The following HTRA4 variants were observed in gnomAD, a reference collection of about 807,000 sequenced individuals.
HTRA4 encodes the protein HtrA serine peptidase 4, also known as serine protease HTRA4.
A neutral mutation model predicts 49.1 loss-of-function variants in HTRA4; 46 were observed. The observed-to-expected ratio is 0.94, with a 90% CI of 0.74 to 1.20. HTRA4 has a LOEUF of 1.20. HTRA4 is among the 50% of genes most tolerant of loss of function. HTRA4 has a pLI of 0.00. For missense variants in HTRA4, 602 were observed against 636.9 expected (o/e 0.95, Z 0.59); for synonymous variants, 261 against 264.0 (o/e 0.99, Z 0.11).
In HTRA4 at chr8:38,978,226, G is replaced by A. The variant is rs376152784; in HGVS notation, c.966+79G>A. The A allele has an allele frequency of 1.9e-4, 239 of 1,241,798 alleles. 1 individual carries two copies. The African/African-American group carries it at 2.1e-3, about 11-fold the overall frequency. The allele number at this position is 1,241,798 out of a possible 1,614,324, so 76.9% of individuals were successfully genotyped here. On this transcript the variant is annotated intron_variant, in intron 4 of 8. Transcript: ENST00000302495. Reference sequence around the variant, plus strand: ...TCCATGGCCTGTTAGGAACTGGGCCGCACAGCAGGCTGTGAGCCATGGGCG... The same window carrying A: ...TCCATGGCCTGTTAGGAACTGGGCCACACAGCAGGCTGTGAGCCATGGGCG...
intron 2 of HTRA4, 47 bp downstream of exon 2, chr8:38,975,177 T>G: frequency 6.3e-7 from 1 of 1,575,840 alleles, no homozygotes; most frequent in Non-Finnish European, 8.7e-7. Context: ...TAATGGTTTC[T>G]GCGTGCCTAC....
chr8:38,982,297 A>G (rs1003179643), intron 6 of HTRA4, among the ~76,000 whole-genome samples: 22 of 152,146 alleles, frequency 1.4e-4, no homozygotes, highest in African/African-American at 5.1e-4. Flanking sequence ...TAATGTGGAA[A>G]TGAAACCCAG....
At chr8:38,979,060 G>T (rs1216625468) in intron 4 of HTRA4, among the ~76,000 whole-genome samples, 155 bp from the exon 5 acceptor site, 1 of 151,920 alleles carries the variant, frequency 6.6e-6, no homozygotes, top group Non-Finnish European at 1.5e-5. Flanking sequence ...ACTGACTTTG[G>T]TATTGGTGAT....
At position 38,988,125 on chromosome 8, in the gene HTRA4, T is replaced by TAAAA. The variant is rs373559742; in HGVS notation, c.*37_*40dup. The TAAAA allele has an allele frequency of 3.9e-3, 5,215 of 1,332,532 alleles. 38 individuals are homozygous for TAAAA. The highest frequency in any genetic ancestry group is 0.012 in the South Asian group (799 of 65,904). The allele number at this position is 1,332,532 out of a possible 1,614,324, so 82.5% of individuals were successfully genotyped here. A position where few individuals can be genotyped will look rare whatever the true frequency, so the allele number is the denominator to read the frequency against. The stretch of plus-strand genomic sequence containing the variant: ...TATCTTGTTTTAAAGTGGGATTATC[T>TAAAA]AAAAAAAAAAAAACCAGTTATATCA... On this transcript the variant is annotated 3_prime_UTR_variant, in exon 9 of 9. Transcript: ENST00000302495.
In HTRA4 at chr8:38,988,660, A is replaced by T. The variant is rs1274751834; in HGVS notation, c.*562A>T. On this transcript the variant is annotated 3_prime_UTR_variant, in exon 9 of 9. Transcript: ENST00000302495. ...CTTAAAAATAAAAATAAAAAGAAAA[A>T]TGGTAATGTTGTGAGATTACAATTA... 2.0e-5 allele frequency: 3 copies of T among 152,228 alleles called. No homozygotes were observed. The highest frequency in any genetic ancestry group is 4.4e-5 in the Non-Finnish European group (3 of 68,066). The allele number at this position is 152,228 out of a possible 1,614,324, so 9.4% of individuals were successfully genotyped here. A position where few individuals can be genotyped will look rare whatever the true frequency, so the allele number is the denominator to read the frequency against.
In HTRA4 at chr8:38,980,328, GCCTTCT is replaced by G. The variant is rs1446455679; in HGVS notation, c.999+1084_999+1089del. Among the ~76,000 whole-genome samples, 13 of 150,804 alleles carry G rather than the reference GCCTTCT, an allele frequency of 8.6e-5. No homozygotes were observed. In the East Asian group the frequency reaches 2.5e-3, roughly 29 times the overall value. On this transcript the variant is annotated intron_variant, in intron 5 of 8. Transcript: ENST00000302495. Reference sequence around the variant, plus strand: ...TGTCATTTTTCTTTGTTTTGTTCCTGCCTTCTCCATTAGACAATGAGTTTACTAGAG... The same window carrying G: ...TGTCATTTTTCTTTGTTTTGTTCCTGCCATTAGACAATGAGTTTACTAGAG...
At position 38,975,087 on chromosome 8, in the gene HTRA4, G is replaced by T; in HGVS notation, c.523G>T (p.Glu175Ter). Residue 175 changes from glutamate to a stop codon, truncating the protein, a stop_gained, in exon 2 of 9, where the codon GAG becomes TAG. Transcript: ENST00000302495. LOFTEE classifies it high-confidence loss of function. Reference sequence around the variant, plus strand: ...TTACAACTTCATCGCCGCGGTGGTGGAGAAGGTGGCGCCATCGGTGGTTCA... The same window carrying T: ...TTACAACTTCATCGCCGCGGTGGTGTAGAAGGTGGCGCCATCGGTGGTTCA... ...RNYNFIAAVVEKVAPSVVHVQ... is the reference protein window; with the variant it reads ...RNYNFIAAVV 3.7e-6 allele frequency: 6 copies of T among 1,614,010 alleles called. No individual in the cohort carries two copies. Among genetic ancestry groups the T allele is most frequent in the Non-Finnish European group, 5.1e-6 (6 of 1,180,026 alleles).
In HTRA4 at chr8:38,983,043, T is replaced by C; in HGVS notation, c.1263T>C (p.Ala421=). 6.2e-7 allele frequency: 1 copy of C among 1,610,594 alleles called. No homozygotes were observed. ...GTAAAGTGGTTGAAGGAACAGCTGC[T>C]CAAAGGTAAGAGAAGTGAAGGCCTT... is the stretch of plus-strand genomic sequence containing the variant. ...YVCKVVEGTA[A]QSSGLRDHDV... Residue 421 remains alanine, a synonymous_variant, in exon 8 of 9, where the codon GCT becomes GCC. Coordinates refer to ENST00000302495, the MANE Select transcript of HTRA4 (RefSeq NM_153692.4).
intron 5 of HTRA4, among the ~76,000 whole-genome samples, chr8:38,979,641 G>A (rs1835395446): frequency 6.6e-6 from 1 of 151,908 alleles, no homozygotes; most frequent in Admixed American, 6.6e-5. Flanking sequence ...CGTGCTTTCT[G>A]TTTTCATTGG....
intron 6 of HTRA4, 117 bp from the exon 7 acceptor site, chr8:38,982,381 C>T (rs1395832127): frequency 7.3e-6 from 6 of 823,162 alleles, no homozygotes; most frequent in Admixed American, 2.2e-5. Flanking sequence ...TGTGTTTCAT[C>T]CAGGTAACCT....
rs112244732 is a variant in HTRA4 at position 38,977,995 on chromosome 8, C to T, written c.814C>T (p.Arg272Trp). The T allele has an allele frequency of 2.6e-4, 424 of 1,614,114 alleles. 5 individuals are homozygous for T. The South Asian group carries it at 3.8e-3, about 15-fold the overall frequency. ...VLMLGRSSDLRAGEFVVALGS... is the reference protein window; with the variant it reads ...VLMLGRSSDLWAGEFVVALGS... ...GATGCTGGGAAGATCATCTGACCTT[C>T]GGGCTGGAGAGTTTGTGGTGGCTTT... is the stretch of plus-strand genomic sequence containing the variant. Residue 272 changes from arginine (R) to tryptophan (W), a missense_variant, in exon 4 of 9, where the codon CGG becomes TGG. By Grantham distance (101) the Arg-to-Trp change is moderately radical. Coordinates refer to ENST00000302495, the MANE Select transcript of HTRA4 (RefSeq NM_153692.4).
chr8:38,977,665 A>G (rs1292537143), intron 3 of HTRA4, among the ~76,000 whole-genome samples: 1 of 152,230 alleles, frequency 6.6e-6, no homozygotes, highest in Admixed American at 6.5e-5. Context: ...TATGTTCATC[A>G]GTGACTTCAC....
At chr8:38,986,326 C>G (rs1835482239) in intron 8 of HTRA4, among the ~76,000 whole-genome samples, 2 of 152,078 alleles carry the variant, frequency 1.3e-5, no homozygotes, top group African/African-American at 4.8e-5. Context: ...CTTGTTGCCC[C>G]AGCTGGAATG....
chr8:38,986,435 A>G (rs1221505864), intron 8 of HTRA4, among the ~76,000 whole-genome samples: 2 of 152,028 alleles, frequency 1.3e-5, no homozygotes, highest in Admixed American at 6.6e-5. Context: ...CACCTAGCTA[A>G]TTATTGTACT....
chr8:38,986,945 G>A (rs1835488662), intron 8 of HTRA4, among the ~76,000 whole-genome samples: 1 of 152,138 alleles, frequency 6.6e-6, no homozygotes, highest in Non-Finnish European at 1.5e-5. Context: ...TCTCTTTTCT[G>A]ACTCACAGGA....
At chr8:38,986,280 TTTA>T (rs1213621190) in intron 8 of HTRA4, among the ~76,000 whole-genome samples, 4 of 152,138 alleles carry the variant, frequency 2.6e-5, no homozygotes, top group Non-Finnish European at 4.4e-5. Flanking sequence ...GTGTTTTATT[TTTA>T]TTATTATTAT....
At chr8:38,980,381 C>T (rs1385197181) in intron 5 of HTRA4, among the ~76,000 whole-genome samples, 3 of 151,716 alleles carry the variant, frequency 2.0e-5, no homozygotes, top group African/African-American at 7.3e-5. Context: ...TGCAGAATTT[C>T]AGGCCATACC....
chr8:38,982,836 A>C, intron 7 of HTRA4, 117 bp from the exon 8 acceptor site: 2 of 697,938 alleles, frequency 2.9e-6, no homozygotes, highest in East Asian at 5.4e-5. Flanking sequence ...AGCTTGATGG[A>C]ATCTTCCTCG....
Position 38,976,675 on chromosome 8 carries a change from A to ATGAAGCTGTTGTCAAGGATAT in HTRA4, c.711_731dup (p.Glu237_Ile243dup). On this transcript the variant is annotated inframe_insertion, in exon 3 of 9. Coordinates refer to ENST00000302495, the MANE Select transcript of HTRA4 (RefSeq NM_153692.4). ...GTGGTGCTCCAGAATGGGGCCCGTT[A>ATGAAGCTGTTGTCAAGGATAT]TGAAGCTGTTGTCAAGGATATTGAC... 1 of 1,614,174 alleles carries ATGAAGCTGTTGTCAAGGATAT rather than the reference A, an allele frequency of 6.2e-7. No individual in the cohort carries two copies. The highest frequency in any genetic ancestry group is 8.5e-7 in the Non-Finnish European group (1 of 1,180,038).
Sources: gnomAD v4.1 joint callset for allele counts (sites outside exome capture counted in the v4.1 genomes callset) on GRCh38, gnomAD v4.1.1 for gene constraint, MANE v1.5 for transcripts, NCBI Gene and HGNC (gene_info 2026-07-23, HGNC 2026-07-21) for gene names.